The following ENTPD1 variants were observed in gnomAD, a reference collection of about 807,000 sequenced individuals.
ENTPD1 encodes the protein ATP diphosphohydrolase.
A neutral mutation model predicts 57.0 loss-of-function variants in ENTPD1; 33 were observed. The observed-to-expected ratio is 0.58, with a 90% CI of 0.44 to 0.77. The LOEUF is 0.77. ENTPD1 is among the 30% of genes least tolerant of loss of function. The pLI is 0.00. For synonymous variants in ENTPD1, 202 were observed against 218.8 expected (o/e 0.92, Z 0.68); for missense variants, 501 against 603.4 (o/e 0.83, Z 1.78).
At chr10:95,715,496 T>A (rs913063078) in intron 1 of ENTPD1, among the ~76,000 whole-genome samples, 8 of 152,128 alleles carry the variant, frequency 5.3e-5, no homozygotes, top group African/African-American at 1.7e-4. Flanking sequence ...TTTTAATACA[T>A]CCTGACAATT....
rs748573011 is a variant in ENTPD1 at position 95,844,553 on chromosome 10, A to G, written c.491A>G (p.Gln164Arg). ...RSLSNYPFDF[Q>R]GARIITGQEE... ...CTCAGCAACTACCCCTTTGACTTCC[A>G]GGGTGCCAGGATCATTACTGGCCAA... Residue 164 changes from glutamine (Q) to arginine (R), a missense_variant, in exon 5 of 10, where the codon CAG (glutamine) becomes CGG (arginine). Transcript: ENST00000371205. 1.2e-5 allele frequency: 20 copies of G among 1,614,102 alleles called. No homozygotes were observed. The highest frequency in any genetic ancestry group is 1.5e-5 in the Non-Finnish European group (18 of 1,180,040).
At chr10:95,769,324 G>T (rs901371841) in intron 1 of ENTPD1, among the ~76,000 whole-genome samples, 1 of 152,200 alleles carries the variant, frequency 6.6e-6, no homozygotes, top group African/African-American at 2.4e-5. Context: ...TCATTTCTAA[G>T]ATCTCTTTAG....
At chr10:95,825,000 C>T (rs1031660183) in intron 2 of ENTPD1, among the ~76,000 whole-genome samples, 1 of 152,188 alleles carries the variant, frequency 6.6e-6, no homozygotes, top group Non-Finnish European at 1.5e-5. Flanking sequence ...TAGTAAGATT[C>T]CTGGCATATA....
chr10:95,802,494 C>A (rs781266183), intron 1 of ENTPD1, among the ~76,000 whole-genome samples: 9 of 151,870 alleles, frequency 5.9e-5, no homozygotes, highest in Non-Finnish European at 1.2e-4. Context: ...TTCTAGGGTA[C>A]ATGTGCAGAA....
rs912721559 is a variant in ENTPD1, at chr10:95,875,082, T to G, written c.*8699T>G. ...GACATTTTCCCCATGGTCTTGGGGA[T>G]TAACATTAGGCTCCTTGCTGCTTAT... On this transcript the variant is annotated 3_prime_UTR_variant, in exon 10 of 10. Transcript: ENST00000371205. 5.9e-5 allele frequency: 9 copies of G among 152,196 alleles called. No individual in the cohort carries two copies. The highest frequency in any genetic ancestry group is 2.2e-4 in the African/African-American group (9 of 41,454). The allele number at this position is 152,196 out of a possible 1,614,324, so 9.4% of individuals were successfully genotyped here.
intron 1 of ENTPD1, among the ~76,000 whole-genome samples, chr10:95,776,926 G>A (rs1364045359): frequency 6.6e-6 from 1 of 152,086 alleles, no homozygotes; most frequent in South Asian, 2.1e-4. Flanking sequence ...TGATCGAATT[G>A]GCTAATGAAG....
At chr10:95,807,251 C>T (rs1012867572) in intron 1 of ENTPD1, among the ~76,000 whole-genome samples, 18 of 152,348 alleles carry the variant, frequency 1.2e-4, no homozygotes, top group African/African-American at 2.9e-4. Context: ...TTCCACCTTG[C>T]GGTTCAATCT....
intron 1 of ENTPD1, among the ~76,000 whole-genome samples, chr10:95,794,522 T>A (rs1427013989): frequency 1.3e-5 from 2 of 152,174 alleles, no homozygotes; most frequent in Non-Finnish European, 2.9e-5. Context: ...GGATTCTGAT[T>A]TAATTGCTTT....
chr10:95,781,462 A>G (rs896259654), intron 1 of ENTPD1, among the ~76,000 whole-genome samples: 13 of 152,214 alleles, frequency 8.5e-5, no homozygotes, highest in Non-Finnish European at 4.4e-5. Context: ...ATTGTAACAC[A>G]AAAGATAAAT....
chr10:95,735,411 G>A (rs2097993576), intron 1 of ENTPD1, among the ~76,000 whole-genome samples: 2 of 152,258 alleles, frequency 1.3e-5, no homozygotes, highest in Admixed American at 1.3e-4. Context: ...AAGTTATACT[G>A]TGTTTGTCAT....
intron 1 of ENTPD1, among the ~76,000 whole-genome samples, chr10:95,802,174 A>G (rs1472018371): frequency 6.6e-6 from 1 of 152,196 alleles, no homozygotes; most frequent in African/African-American, 2.4e-5. Flanking sequence ...TCAGAAAGGT[A>G]GGAGAACTCC....
At chr10:95,831,304 C>A (rs2098396055) in intron 2 of ENTPD1, among the ~76,000 whole-genome samples, 1 of 152,234 alleles carries the variant, frequency 6.6e-6, no homozygotes, top group African/African-American at 2.4e-5. Flanking sequence ...GATCATTATT[C>A]TGCCTGCCTA....
At chr10:95,711,115 T>C (rs1295221832), upstream of ENTPD1, among the ~76,000 whole-genome samples, 2 of 152,012 alleles carry the variant, frequency 1.3e-5, no homozygotes, top group African/African-American at 4.8e-5. Context: ...AGGTGGGTCA[T>C]AGAAGCCAGC....
At chr10:95,848,303 C>T (rs1241720112) in intron 7 of ENTPD1, among the ~76,000 whole-genome samples, 1 of 152,156 alleles carries the variant, frequency 6.6e-6, no homozygotes, top group Non-Finnish European at 1.5e-5. Flanking sequence ...TGCTAGGGAA[C>T]CCAGGATGAT....
chr10:95,815,008 T>A (rs1295817321), intron 1 of ENTPD1, among the ~76,000 whole-genome samples: 1 of 152,262 alleles, frequency 6.6e-6, no homozygotes, highest in Non-Finnish European at 1.5e-5. Context: ...TCAAAGTTTG[T>A]CTTTAGCAGT....
intron 1 of ENTPD1, among the ~76,000 whole-genome samples, chr10:95,766,314 T>C (rs1379961351): frequency 6.6e-6 from 1 of 152,204 alleles, no homozygotes; most frequent in African/African-American, 2.4e-5. Flanking sequence ...AATCTAACAC[T>C]GATAGAATAC....
chr10:95,800,280 G>A (rs911519125), intron 1 of ENTPD1, among the ~76,000 whole-genome samples: 10 of 152,112 alleles, frequency 6.6e-5, no homozygotes, highest in Admixed American at 2.6e-4. Flanking sequence ...ACCCTGAGCC[G>A]CAAAACCAGC....
At chr10:95,715,901 G>A (rs1208188190) in intron 1 of ENTPD1, among the ~76,000 whole-genome samples, 1 of 152,032 alleles carries the variant, frequency 6.6e-6, no homozygotes, top group Non-Finnish European at 1.5e-5. Context: ...GTTTCATTCT[G>A]TCACTCAGGC....
chr10:95,824,565 C>T (rs895458611), intron 2 of ENTPD1, among the ~76,000 whole-genome samples: 1 of 152,172 alleles, frequency 6.6e-6, no homozygotes, highest in Non-Finnish European at 1.5e-5. Flanking sequence ...CTTGGCAAAA[C>T]TTCACTCACA....
Sources: allele counts gnomAD v4.1 joint callset (sites outside exome capture counted in the v4.1 genomes callset), GRCh38; gene constraint gnomAD v4.1.1; transcripts MANE v1.5; gene names NCBI Gene and HGNC (gene_info 2026-07-23, HGNC 2026-07-21).